The following PRH1 variants were observed in gnomAD, a reference collection of about 807,000 sequenced individuals.
PRH1 encodes the protein salivary acidic proline-rich phosphoprotein 1/2.
Under a neutral mutation model 7.9 loss-of-function variants are expected in PRH1, and 7 were observed. The observed-to-expected ratio is 0.89, with a 90% CI of 0.50 to 1.67. PRH1 has a LOEUF of 1.67. Ranked by LOEUF, PRH1 falls within the 40% of genes most tolerant of loss-of-function variation. The probability of loss-of-function intolerance (pLI) is 0.00; values close to 1 mark genes in which losing one functional copy is unlikely to be tolerated. For missense variants in PRH1, 109 were observed against 223.6 expected (o/e 0.49, Z 3.27); for synonymous variants, 45 against 80.8 (o/e 0.56, Z 2.38).
At chr12:11,030,600 T>C in intron 1 of PRH1, 1 of 1,614,248 alleles carries the variant, frequency 6.2e-7, no homozygotes, top group African/African-American at 1.3e-5. Flanking sequence ...ACTGATATCA[T>C]TATGGACAGA....
upstream of PRH1, among the ~76,000 whole-genome samples, chr12:11,048,146 ATG>A (rs71448856): frequency 1.0e-3 from 143 of 138,702 alleles, no homozygotes; most frequent in Admixed American, 1.6e-3. Flanking sequence ...ACACACATAT[ATG>A]TGTGTGTGTG....
At chr12:10,950,510 C>A (rs141660047) in intron 2 of PRH1, among the ~76,000 whole-genome samples, 2 of 151,490 alleles carry the variant, frequency 1.3e-5, no homozygotes, top group Non-Finnish European at 2.9e-5. Context: ...TTTCATTCTA[C>A]GACTCTGATT....
At chr12:11,099,481 G>A (rs1385137776) in intron 1 of PRH1, among the ~76,000 whole-genome samples, 3 of 152,102 alleles carry the variant, frequency 2.0e-5, no homozygotes, top group Non-Finnish European at 4.4e-5. Context: ...GGCAGATCAC[G>A]AGGTCAAGAG....
chr12:10,927,031 CT>C (rs1950133126), intron 2 of PRH1, among the ~76,000 whole-genome samples: 1 of 152,174 alleles, frequency 6.6e-6, no homozygotes, highest in Admixed American at 6.5e-5. Context: ...ATCACCCCTT[CT>C]TTTGATTTGG....
chr12:10,973,188 A>T (rs1226337591), intron 2 of PRH1: 1 of 152,076 alleles, frequency 6.6e-6, no homozygotes, highest in Non-Finnish European at 1.5e-5. Flanking sequence ...AATTTTGTAA[A>T]TATTCCTTGA....
chr12:11,076,033 G>GTA lies in PRH1; in HGVS notation n.124-28847_124-28846dup, dbSNP rs1170139686. ...GATGCATGATAAATAAAATGTGTGT[G>GTA]TATATATATATCAGATGTGGATCTG... On this transcript the variant is annotated intron_variant and non_coding_transcript_variant, in intron 1 of 4. Coordinates refer to the PRH1 transcript ENST00000541977. Among the ~76,000 whole-genome samples, 7 of 116,508 alleles carry GTA rather than the reference G, an allele frequency of 6.0e-5. 3 individuals are homozygous for GTA. The highest frequency in any genetic ancestry group is 1.0e-4 in the Non-Finnish European group (5 of 49,072). 76.4% of individuals were successfully genotyped at this position (116,508 alleles called of 152,430 possible).
At chr12:10,930,479 T>TG (rs1342361695) in intron 2 of PRH1, among the ~76,000 whole-genome samples, 1 of 152,104 alleles carries the variant, frequency 6.6e-6, no homozygotes, top group Non-Finnish European at 1.5e-5. Context: ...AGAAATTTGA[T>TG]TTTTCACCAC....
In PRH1 at chr12:11,022,214, G is replaced by A. The variant is rs771205863; in HGVS notation, c.-126+24806C>T. 3.7e-6 allele frequency: 6 copies of A among 1,613,990 alleles called. No homozygotes were observed. The African/African-American group carries it at 6.7e-5, about 18-fold the overall frequency. On this transcript the variant is annotated intron_variant, in intron 1 of 3. Coordinates refer to the PRH1 transcript ENST00000539853. ...ACACTCTTAATTCTCTTCTTTAGGTGGAGAGAAATAAGGTTGGAGAAATTG... is the reference window on the plus strand; with the variant it reads ...ACACTCTTAATTCTCTTCTTTAGGTAGAGAGAAATAAGGTTGGAGAAATTG...
At chr12:11,120,642 C>G (rs996307421), downstream of PRH1, among the ~76,000 whole-genome samples, 4 of 151,996 alleles carry the variant, frequency 2.6e-5, no homozygotes, top group Admixed American at 2.6e-4. Flanking sequence ...CCATTGCCTT[C>G]AGATGGCTGT....
At chr12:10,942,316 G>T (rs1950414871) in intron 2 of PRH1, among the ~76,000 whole-genome samples, 1 of 152,146 alleles carries the variant, frequency 6.6e-6, no homozygotes, top group South Asian at 2.1e-4. Flanking sequence ...CAGAATACCA[G>T]GGTGGGTAGG....
intron 1 of PRH1, among the ~76,000 whole-genome samples, chr12:11,020,385 T>TATATATATATATATATAG (rs2136068056): frequency 9.5e-6 from 1 of 104,944 alleles, no homozygotes; most frequent in South Asian, 3.4e-4. Flanking sequence ...TATATATATA[T>TATATATATATATATATAG]ATATATGTCT....
intron 1 of PRH1, among the ~76,000 whole-genome samples, chr12:11,075,660 T>G (rs1235646655): frequency 1.7e-5 from 2 of 117,442 alleles, no homozygotes; most frequent in East Asian, 2.1e-4. Flanking sequence ...CATTCCACCT[T>G]GTCTCTACTT....
chr12:11,033,717 T>A (rs576569815), intron 1 of PRH1, among the ~76,000 whole-genome samples: 1 of 152,246 alleles, frequency 6.6e-6, no homozygotes, highest in South Asian at 2.1e-4. Context: ...TATCTTAGAG[T>A]TGTATAGGAA....
intron 1 of PRH1, among the ~76,000 whole-genome samples, chr12:11,008,804 A>C (rs1360620341): frequency 3.3e-5 from 5 of 151,994 alleles, no homozygotes; most frequent in Admixed American, 2.6e-4. Context: ...TCTTTTATGA[A>C]CTATTATGAA....
At chr12:10,989,361 A>C (rs1326057750) in intron 1 of PRH1, among the ~76,000 whole-genome samples, 2 of 152,064 alleles carry the variant, frequency 1.3e-5, no homozygotes, top group South Asian at 2.1e-4. Flanking sequence ...TAGTTGATAC[A>C]TATTTGGGGG....
At chr12:11,048,880 T>G, upstream of PRH1, 1 of 277,810 alleles carries the variant, frequency 3.6e-6, no homozygotes, top group South Asian at 6.8e-5. Context: ...ACCAACATTC[T>G]TAATCCTTTT....
intron 1 of PRH1, among the ~76,000 whole-genome samples, chr12:11,107,252 T>C (rs1390581131): frequency 1.3e-5 from 2 of 152,202 alleles, no homozygotes; most frequent in Admixed American, 1.3e-4. Context: ...TCCCCTCATC[T>C]TGGCCTCCCA....
intron 1 of PRH1, among the ~76,000 whole-genome samples, chr12:11,055,208 A>C (rs1359401374): frequency 4.6e-5 from 7 of 151,992 alleles, no homozygotes; most frequent in Admixed American, 4.6e-4. Flanking sequence ...AACTTTCAGC[A>C]TTGTTTAACA....
chr12:11,133,929 A>G (rs1190669229), intron 1 of PRH1: 1 of 1,614,174 alleles, frequency 6.2e-7, no homozygotes, highest in Non-Finnish European at 8.5e-7. Flanking sequence ...CTGAGCAAAT[A>G]AAACATGCTG....
Sources: gnomAD v4.1 joint callset for allele counts (sites outside exome capture counted in the v4.1 genomes callset) on GRCh38, gnomAD v4.1.1 for gene constraint, MANE v1.5 for transcripts, NCBI Gene and HGNC (gene_info 2026-07-23, HGNC 2026-07-21) for gene names.